The following AMBP variants were observed in gnomAD, a reference collection of about 807,000 sequenced individuals.
The protein encoded by AMBP is protein AMBP.
In AMBP, 37 loss-of-function variants were observed where a neutral mutation model predicts 46.3. The ratio of observed to expected loss-of-function variants is 0.80; its 90% CI spans 0.61 to 1.05. AMBP has a LOEUF of 1.05. Ranked by LOEUF, AMBP falls within the 50% of genes least tolerant of loss-of-function variation. AMBP has a pLI of 0.00. For missense variants in AMBP, 475 were observed against 461.2 expected, an observed-to-expected ratio of 1.03 and a Z score of -0.27; for synonymous variants, 174 against 175.9, an observed-to-expected ratio of 0.99 and a Z score of 0.09.
In AMBP at chr9:114,061,330, CCT is replaced by C. The variant is rs1350614360; in HGVS notation, c.853+92_853+93del. Reference sequence around the variant, plus strand: ...GCCTGGAGTTCTACCACTGGAATGCCCTCTGTTAGCTACCTTTTCAATTCGCA... The same window carrying C: ...GCCTGGAGTTCTACCACTGGAATGCCCTGTTAGCTACCTTTTCAATTCGCA... On this transcript the variant is annotated intron_variant, in intron 8 of 9. Coordinates refer to ENST00000265132, the MANE Select transcript of AMBP (RefSeq NM_001633.4). 7.6e-6 allele frequency: 12 copies of C among 1,575,520 alleles called. No homozygotes were observed. The East Asian group carries it at 2.5e-4, about 33-fold the overall frequency.
chr9:114,069,775 A>C, intron 5 of AMBP, 30 bp from the exon 6 acceptor site: 1 of 1,613,356 alleles, frequency 6.2e-7, no homozygotes, highest in South Asian at 1.1e-5. Context: ...AGAGGAGTGA[A>C]TAACAGGACC....
chr9:114,060,880 C>A (rs1564370200), intron 9 of AMBP, 45 bp downstream of exon 9: 1 of 1,587,116 alleles, frequency 6.3e-7, no homozygotes. Flanking sequence ...CACCTCGACT[C>A]CAACAGCCCC....
chr9:114,062,346 G>A (rs181628191), intron 7 of AMBP, among the ~76,000 whole-genome samples: 2 of 152,176 alleles, frequency 1.3e-5, no homozygotes, highest in African/African-American at 4.8e-5. Flanking sequence ...TCCTACAAGA[G>A]CCCTGATGTT....
intron 8 of AMBP, 96 bp downstream of exon 8, chr9:114,061,328 G>A (rs752018570): frequency 3.0e-5 from 47 of 1,567,016 alleles, no homozygotes; most frequent in Admixed American, 2.2e-4. Flanking sequence ...CCACTGGAAT[G>A]CCCTCTGTTA....
rs761988935 is a variant in AMBP, at chr9:114,070,176, G to T, written c.557-431C>A. On this transcript the variant is annotated intron_variant, in intron 5 of 9. Coordinates refer to ENST00000265132, the MANE Select transcript of AMBP (RefSeq NM_001633.4). ...AGCCAGAGGCCACACAGCTCAGTTCGAACCCAGGTGCTCTTGATGGCAGCA... is the reference window on the plus strand; with the variant it reads ...AGCCAGAGGCCACACAGCTCAGTTCTAACCCAGGTGCTCTTGATGGCAGCA... Among the ~76,000 whole-genome samples, 7 of 152,338 alleles carry T rather than the reference G, an allele frequency of 4.6e-5. No individual in the cohort carries two copies. In the South Asian group the frequency reaches 6.2e-4, roughly 14 times the overall value.
At position 114,077,657 on chromosome 9, in the gene AMBP, G is replaced by T. The variant is rs770285532; in HGVS notation, c.117+436C>A. 1.0e-3 allele frequency: 175 copies of T among 171,092 alleles called. 1 individual carries two copies. Among genetic ancestry groups the T allele is most frequent in the Non-Finnish European group, 1.7e-3 (132 of 78,834 alleles). 10.6% of individuals were successfully genotyped at this position (171,092 alleles called of 1,614,324 possible). ...ACATGCCCACGCTGTGCCACCCCAG[G>T]TGTCTGTCCACAGTCAGGCCAGGAT... On this transcript the variant is annotated intron_variant, in intron 1 of 9. Transcript: ENST00000265132.
chr9:114,062,726 CTCT>C lies in AMBP; in HGVS notation c.633_635del (p.Glu213del). ...CCAGTTGCCCACCCCCTGATCCTTC[CTCT>C]TCTTGGGGTAGCACAGCCCTCCGGA... On this transcript the variant is annotated inframe_deletion, in exon 7 of 10. Transcript: ENST00000265132. 6.2e-7 allele frequency: 1 copy of C among 1,614,104 alleles called. No homozygotes were observed. The highest frequency in any genetic ancestry group is 8.5e-7 in the Non-Finnish European group (1 of 1,180,024).
intron 9 of AMBP, 116 bp from the exon 10 acceptor site, chr9:114,060,386 G>A: frequency 1.8e-6 from 2 of 1,110,472 alleles, no homozygotes; most frequent in Non-Finnish European, 2.6e-6. Flanking sequence ...ATCTCCAAAG[G>A]GTATTCCATG....
chr9:114,072,595 A>G (rs1351678517), intron 5 of AMBP, among the ~76,000 whole-genome samples: 1 of 152,148 alleles, frequency 6.6e-6, no homozygotes, highest in Non-Finnish European at 1.5e-5. Context: ...CAATGCCCCA[A>G]AGATCCCGTA....
chr9:114,064,397 T>G (rs545620579), intron 6 of AMBP, among the ~76,000 whole-genome samples: 20 of 146,134 alleles, frequency 1.4e-4, no homozygotes, highest in African/African-American at 4.9e-4. Context: ...TAGAAACAAT[T>G]TTTTTTAAAA....
intron 2 of AMBP, 82 bp downstream of exon 2, chr9:114,076,516 C>A: frequency 1.3e-6 from 2 of 1,554,354 alleles, no homozygotes; most frequent in Non-Finnish European, 8.7e-7. Context: ...CAGAGATCTG[C>A]AACTTCCCAG....
At chr9:114,075,082 A>G in intron 2 of AMBP, 46 bp from the exon 3 acceptor site, 1 of 1,540,902 alleles carries the variant, frequency 6.5e-7, no homozygotes, top group Non-Finnish European at 9.0e-7. Flanking sequence ...GGTAGAGATC[A>G]TGGTCCTGAC....
chr9:114,068,797 G>A (rs1333078582), intron 6 of AMBP, among the ~76,000 whole-genome samples: 1 of 138,208 alleles, frequency 7.2e-6, no homozygotes, highest in African/African-American at 2.8e-5. Flanking sequence ...ATAGTTTTGA[G>A]GTGGTGAGAT....
At chr9:114,071,211 C>A (rs1846740840) in intron 5 of AMBP, among the ~76,000 whole-genome samples, 1 of 152,206 alleles carries the variant, frequency 6.6e-6, no homozygotes. Context: ...ACTCTCAGGG[C>A]CCAGGAAGGT....
rs746963621 is a variant in AMBP, at chr9:114,074,061, T to C, written c.429A>G (p.Gly143=). 1 of 1,614,138 alleles carries C rather than the reference T, an allele frequency of 6.2e-7. No individual in the cohort carries two copies. The highest frequency in any genetic ancestry group is 8.5e-7 in the Non-Finnish European group (1 of 1,180,018). ...CGTAGAGCTTGGCAGTAATGGTGGGTCCATGATGGCGGCTGAATTTCTTGG... is the reference window on the plus strand; with the variant it reads ...CGTAGAGCTTGGCAGTAATGGTGGGCCCATGATGGCGGCTGAATTTCTTGG... The part of the protein sequence containing the change: ...FLTKKFSRHH[G]PTITAKLYGR... Residue 143 remains glycine (G), a synonymous_variant, in exon 4 of 10, where the codon GGA becomes GGG. Coordinates refer to ENST00000265132, the MANE Select transcript of AMBP (RefSeq NM_001633.4).
In AMBP at chr9:114,072,907, C is replaced by T. The variant is rs376058623; in HGVS notation, c.556+18G>A. On this transcript the variant is annotated intron_variant, in intron 5 of 9. Coordinates refer to ENST00000265132, the MANE Select transcript of AMBP (RefSeq NM_001633.4). ...ACGAAGAGGGGACAGGAATTTGAGG[C>T]GGAGGGGTGCTATGTACCTCGGTCA... 34 of 1,610,422 alleles carry T rather than the reference C, an allele frequency of 2.1e-5. No homozygotes were observed. Among genetic ancestry groups the T allele is most frequent in the Non-Finnish European group, 2.3e-5 (27 of 1,177,358 alleles).
At chr9:114,072,873 C>G (rs1340393103) in intron 5 of AMBP, 52 bp downstream of exon 5, 12 of 1,564,890 alleles carry the variant, frequency 7.7e-6, no homozygotes, top group Non-Finnish European at 1.1e-5. Flanking sequence ...TCTCTGGCGC[C>G]CACAAGGGAC....
rs1846817544 is a variant in AMBP at position 114,076,804 on chromosome 9, C to T, written c.118-64G>A. The T allele has an allele frequency of 2.5e-6, 4 of 1,570,062 alleles. No homozygotes were observed. In the Admixed American group the frequency reaches 5.3e-5, roughly 21 times the overall value. ...CAGACCTCAAAGCAGACCTGGCTGA[C>T]ATCTGCTCCCCACCCTCCACCTCCT... On this transcript the variant is annotated intron_variant, in intron 1 of 9. Coordinates refer to ENST00000265132, the MANE Select transcript of AMBP (RefSeq NM_001633.4).
At chr9:114,075,848 G>A (rs1470658865) in intron 2 of AMBP, among the ~76,000 whole-genome samples, 3 of 152,172 alleles carry the variant, frequency 2.0e-5, no homozygotes, top group African/African-American at 7.2e-5. Flanking sequence ...GAACTAATTA[G>A]CCCAGGGAAA....
Sources: allele counts gnomAD v4.1 joint callset (sites outside exome capture counted in the v4.1 genomes callset), GRCh38; gene constraint gnomAD v4.1.1; transcripts MANE v1.5; gene names NCBI Gene and HGNC (gene_info 2026-07-23, HGNC 2026-07-21).